IQCF1: variants seen among roughly 807,000 people sequenced by gnomAD.
The protein encoded by IQCF1 is IQ domain-containing protein F1.
Under a neutral mutation model 12.5 loss-of-function variants are expected in IQCF1, and 9 were observed. The observed-to-expected ratio is 0.72, with a 90% confidence interval of 0.43 to 1.26. IQCF1 has a LOEUF of 1.26. Ranked by LOEUF, IQCF1 falls within the 50% of genes most tolerant of loss-of-function variation. The probability of loss-of-function intolerance (pLI) is 0.00; values close to 1 mark genes in which losing one functional copy is unlikely to be tolerated. For synonymous variants in IQCF1, 67 were observed against 96.2 expected, an observed-to-expected ratio of 0.70 and a Z score of 1.78; for missense variants, 252 against 257.4, an observed-to-expected ratio of 0.98 and a Z score of 0.14.
At position 51,894,886 on chromosome 3, in the gene IQCF1, C is replaced by T. The variant is rs750481057; in HGVS notation, c.*4G>A. On this transcript the variant is annotated 3_prime_UTR_variant, in exon 4 of 4. Coordinates refer to ENST00000310914, the MANE Select transcript of IQCF1 (RefSeq NM_152397.3). ...TTGTCAGAGACTATCTGGAAAAGAC[C>T]ACTTCATTCCTTTATTGAGAAGGGA... The T allele has an allele frequency of 6.2e-7, 1 of 1,610,402 alleles. No homozygotes were observed. The highest frequency in any genetic ancestry group is 1.7e-5 in the Admixed American group (1 of 59,926).
intron 2 of IQCF1, among the ~76,000 whole-genome samples, chr3:51,898,817 G>A (rs1699043620): frequency 6.6e-6 from 1 of 152,290 alleles, no homozygotes; most frequent in East Asian, 1.9e-4. Context: ...GATGATAGAT[G>A]GTTCCTCCCG....
At chr3:51,903,166 A>C in intron 1 of IQCF1, 77 bp from the exon 2 acceptor site, 3 of 1,590,876 alleles carry the variant, frequency 1.9e-6, no homozygotes, top group South Asian at 2.2e-5. Flanking sequence ...ACACATCCCC[A>C]GCTTCCAGGG....
intron 2 of IQCF1, among the ~76,000 whole-genome samples, chr3:51,897,807 G>A (rs542445668): frequency 2.0e-5 from 3 of 152,284 alleles, no homozygotes; most frequent in South Asian, 4.1e-4. Flanking sequence ...ACTGCTCGAC[G>A]GAGTGAGTGG....
At chr3:51,899,541 A>C (rs182587392) in intron 2 of IQCF1, among the ~76,000 whole-genome samples, 1 of 152,132 alleles carries the variant, frequency 6.6e-6, no homozygotes, top group African/African-American at 2.4e-5. Flanking sequence ...AAGGTTAAAA[A>C]TTTTTTTTGT....
intron 2 of IQCF1, among the ~76,000 whole-genome samples, chr3:51,898,169 CAA>C (rs1375808938): frequency 2.0e-5 from 3 of 151,398 alleles, no homozygotes; most frequent in Non-Finnish European, 4.4e-5. Context: ...GAAAGACCAG[CAA>C]AGAGGAAAGA....
rs774129693 is a variant in IQCF1 at position 51,894,961 on chromosome 3, G to A, written c.547C>T (p.Gln183Ter). Residue 183 changes from glutamine to a stop codon, truncating the protein, a stop_gained, in exon 4 of 4, where the codon CAG (glutamine) becomes TAG (stop). Transcript: ENST00000310914. LOFTEE classifies it high-confidence loss of function. ...YRVTANQLHLQLEILLDSGPC... is the reference protein window; with the variant it reads ...YRVTANQLHL ...CCTGAGTCCAGCAAGATCTCCAGCTGGAGATGCAGCTGGTTGGCTGTGACT... is the reference window on the plus strand; with the variant it reads ...CCTGAGTCCAGCAAGATCTCCAGCTAGAGATGCAGCTGGTTGGCTGTGACT... 3.1e-6 allele frequency: 5 copies of A among 1,614,230 alleles called. No individual in the cohort carries two copies. In the Admixed American group the frequency reaches 6.7e-5, roughly 22 times the overall value.
At position 51,896,847 on chromosome 3, in the gene IQCF1, A is replaced by G; in HGVS notation, c.156T>C (p.Asn52=). The G allele has an allele frequency of 1.2e-6, 2 of 1,612,858 alleles. No homozygotes were observed. Among genetic ancestry groups the G allele is most frequent in the Non-Finnish European group, 1.7e-6 (2 of 1,178,974 alleles). The part of the protein sequence containing the change: ...LVETQTVDNA[N]EKSEKPPENQ... ...GAGGTCATACTTTTTCTGATTTCTC[A>G]TTGGCATTGTCCACTGTCTGTGTCT... The change falls in exon 3 of 4, where the codon AAT becomes AAC. Residue 52 remains asparagine, a synonymous_variant. Coordinates refer to ENST00000310914, the MANE Select transcript of IQCF1 (RefSeq NM_152397.3).
chr3:51,903,130 GTC>G, intron 1 of IQCF1, 41 bp from the exon 2 acceptor site: 1 of 1,591,988 alleles, frequency 6.3e-7, no homozygotes, highest in Non-Finnish European at 8.6e-7. Context: ...TGAGGCTGCG[GTC>G]CCTCCCTCTC....
intron 2 of IQCF1, among the ~76,000 whole-genome samples, chr3:51,901,811 C>T (rs1699078409): frequency 2.0e-5 from 3 of 152,184 alleles, no homozygotes. Context: ...TATGCTACAA[C>T]CAACAGCGAT....
chr3:51,897,842 C>G (rs1699029117), intron 2 of IQCF1, among the ~76,000 whole-genome samples: 2 of 152,186 alleles, frequency 1.3e-5, no homozygotes, highest in Admixed American at 1.3e-4. Flanking sequence ...TCTGTAGCTA[C>G]CTCTTACACT....
chr3:51,895,412 C>G lies in IQCF1; in HGVS notation c.172-76G>C. 7.8e-7 allele frequency: 1 copy of G among 1,286,754 alleles called. No homozygotes were observed. The highest frequency in any genetic ancestry group is 1.4e-5 in the South Asian group (1 of 69,298). The allele number at this position is 1,286,754 out of a possible 1,614,324, so 79.7% of individuals were successfully genotyped here. ...GCTCTGGGGTGTGCCAGGAAAGGCC[C>G]TGATTCCCTATCAGCAACTGTCTCT... On this transcript the variant is annotated intron_variant, in intron 3 of 3. Transcript: ENST00000310914. This position sits in a 1 kb window ranked among gnomAD's most constrained non-coding sequence, Gnocchi z 4.8.
intron 2 of IQCF1, among the ~76,000 whole-genome samples, chr3:51,901,455 C>T (rs983709220): frequency 6.6e-6 from 1 of 152,206 alleles, no homozygotes; most frequent in Admixed American, 6.5e-5. Flanking sequence ...TTTTCAAGAG[C>T]TTATCAATCA....
In IQCF1 at chr3:51,895,007, C is replaced by T. The variant is rs755159764; in HGVS notation, c.501G>A (p.Gly167=). 6.2e-7 allele frequency: 1 copy of T among 1,614,212 alleles called. No individual in the cohort carries two copies. The highest frequency in any genetic ancestry group is 1.1e-5 in the South Asian group (1 of 91,076). ...TGACTCTGTACTGGCCCTTGATGAACCCCCGGGAAGCACAGGAGCGGCACC... is the reference window on the plus strand; with the variant it reads ...TGACTCTGTACTGGCCCTTGATGAATCCCCGGGAAGCACAGGAGCGGCACC... ...YWRCRSCASR[G]FIKGQYRVTA... The change falls in exon 4 of 4, where the codon GGG becomes GGA. Residue 167 remains glycine (G), a synonymous_variant. Coordinates refer to ENST00000310914, the MANE Select transcript of IQCF1 (RefSeq NM_152397.3). This position sits in a 1 kb window ranked among gnomAD's most constrained non-coding sequence, Gnocchi z 4.8.
chr3:51,898,884 T>C (rs980553970), intron 2 of IQCF1, among the ~76,000 whole-genome samples: 1 of 152,224 alleles, frequency 6.6e-6, no homozygotes, highest in African/African-American at 2.4e-5. Flanking sequence ...GAAACTCTTG[T>C]AGAAGCAGAG....
Position 51,894,895 on chromosome 3 carries a change from C to A in IQCF1, c.613G>T (p.Glu205Ter), listed in dbSNP as rs1351722998. ...VTECIPFSIKE is the reference protein window; with the variant it reads ...VTECIPFSIK ...ACTATCTGGAAAAGACCACTTCATTCCTTTATTGAGAAGGGAATACACTCT... is the reference window on the plus strand; with the variant it reads ...ACTATCTGGAAAAGACCACTTCATTACTTTATTGAGAAGGGAATACACTCT... Residue 205 changes from glutamate to a stop codon, truncating the protein, a stop_gained, in exon 4 of 4, where the codon GAA (glutamate) becomes TAA (stop). Coordinates refer to ENST00000310914, the MANE Select transcript of IQCF1 (RefSeq NM_152397.3). LOFTEE classifies it high-confidence loss of function. 1.2e-6 allele frequency: 2 copies of A among 1,613,118 alleles called. No homozygotes were observed. Among genetic ancestry groups the A allele is most frequent in the South Asian group, 1.1e-5 (1 of 90,822 alleles).
chr3:51,901,526 C>T (rs140821738), intron 2 of IQCF1, among the ~76,000 whole-genome samples: 135 of 152,306 alleles, frequency 8.9e-4, no homozygotes, highest in Middle Eastern at 3.4e-3. Flanking sequence ...CTTTACTGGA[C>T]GCTCTGATGA....
chr3:51,897,035 T>G (rs2106640812), intron 2 of IQCF1, 141 bp from the exon 3 acceptor site: 3 of 703,028 alleles, frequency 4.3e-6, no homozygotes, highest in East Asian at 5.3e-5. Context: ...CCTTCTACTT[T>G]TAAACTTAAC....
chr3:51,897,669 A>C (rs1028720400), intron 2 of IQCF1, among the ~76,000 whole-genome samples: 8 of 152,248 alleles, frequency 5.3e-5, no homozygotes, highest in Non-Finnish European at 7.3e-5. Context: ...AGACCAAGGA[A>C]GGAGAAGCTG....
In IQCF1 at chr3:51,902,935, C is replaced by G. The variant is rs759300505; in HGVS notation, c.108+50G>C. The G allele has an allele frequency of 5.2e-6, 7 of 1,347,528 alleles. No homozygotes were observed. The South Asian group carries it at 7.0e-5, about 13-fold the overall frequency. The allele number at this position is 1,347,528 out of a possible 1,614,324, so 83.5% of individuals were successfully genotyped here. A position where few individuals can be genotyped will look rare whatever the true frequency, so the allele number is the denominator to read the frequency against. ...AGCACCATGCAAAAGACACTAGCTACTAGCACTAGGACATGGGATCAATGA... is the reference window on the plus strand; with the variant it reads ...AGCACCATGCAAAAGACACTAGCTAGTAGCACTAGGACATGGGATCAATGA... On this transcript the variant is annotated intron_variant, in intron 2 of 3. Coordinates refer to ENST00000310914, the MANE Select transcript of IQCF1 (RefSeq NM_152397.3).
Sources: gnomAD v4.1 joint callset for allele counts (sites outside exome capture counted in the v4.1 genomes callset) on GRCh38, gnomAD v4.1.1 for gene constraint, Gnocchi (gnomAD v3.1) non-coding constraint, MANE v1.5 for transcripts, NCBI Gene and HGNC (gene_info 2026-07-23, HGNC 2026-07-21) for gene names.